SKA2: variants seen among roughly 807,000 people sequenced by gnomAD.
SKA2 encodes spindle and kinetochore-associated protein 2.
SKA2 carries 13 observed loss-of-function variants against 16.9 expected under a neutral mutation model. That is an observed-to-expected ratio of 0.77 (90% CI 0.50 to 1.22). The LOEUF (loss-of-function observed/expected upper bound fraction) is 1.22. Ranked by LOEUF, SKA2 falls within the 50% of genes most tolerant of loss-of-function variation. SKA2 has a pLI of 0.00. For missense variants in SKA2, 107 were observed against 139.7 expected (o/e 0.77, Z 1.18); for synonymous variants, 47 against 48.5 (o/e 0.97, Z 0.13).
intron 1 of SKA2, chr17:59,151,231 G>A (rs548407118): frequency 2.0e-6 from 1 of 501,992 alleles, no homozygotes; most frequent in South Asian, 1.5e-5. Flanking sequence ...TAATAAGTAG[G>A]AAAGGAACAC....
At chr17:59,150,126 A>G (rs1267555130) in intron 1 of SKA2, among the ~76,000 whole-genome samples, 3 of 152,166 alleles carry the variant, frequency 2.0e-5, no homozygotes, top group Non-Finnish European at 2.9e-5. Context: ...TGGGCATGCC[A>G]CACCCCTGTA....
At chr17:59,154,318 G>A (rs1269872944) in intron 1 of SKA2, among the ~76,000 whole-genome samples, 1 of 152,232 alleles carries the variant, frequency 6.6e-6, no homozygotes, top group African/African-American at 2.4e-5. Context: ...AAGAGAACAA[G>A]TGAGGGACGG....
chr17:59,138,206 A>G (rs1277740095), intron 1 of SKA2, among the ~76,000 whole-genome samples: 1 of 152,034 alleles, frequency 6.6e-6, no homozygotes, highest in Non-Finnish European at 1.5e-5. Context: ...ATTAGGTGAA[A>G]AAAGTCTATG....
At chr17:59,150,214 C>G (rs2046566794) in intron 1 of SKA2, among the ~76,000 whole-genome samples, 3 of 152,162 alleles carry the variant, frequency 2.0e-5, no homozygotes, top group Admixed American at 6.6e-5. Flanking sequence ...TTATGATTGC[C>G]TCTGTGAATA....
At chr17:59,134,152 C>T (rs1376430673) in intron 1 of SKA2, among the ~76,000 whole-genome samples, 1 of 152,050 alleles carries the variant, frequency 6.6e-6, no homozygotes, top group Admixed American at 6.6e-5. Context: ...TTATCTTTTC[C>T]TATAAATAAG....
intron 3 of SKA2, 89 bp downstream of exon 3, chr17:59,119,230 T>A (rs1276713715): frequency 7.0e-7 from 1 of 1,432,632 alleles, no homozygotes; most frequent in Non-Finnish European, 9.4e-7. Context: ...CTGCTGAGTT[T>A]CAAAATTTAA....
chr17:59,137,606 TAAAC>T (rs1486752138), intron 1 of SKA2, among the ~76,000 whole-genome samples: 1 of 152,178 alleles, frequency 6.6e-6, no homozygotes, highest in Non-Finnish European at 1.5e-5. Flanking sequence ...ATACTACAAA[TAAAC>T]CCATTTGTCA....
intron 1 of SKA2, among the ~76,000 whole-genome samples, chr17:59,145,326 T>C (rs2046523850): frequency 6.6e-6 from 1 of 152,224 alleles, no homozygotes; most frequent in African/African-American, 2.4e-5. Flanking sequence ...TCAATACTCC[T>C]AGCTCTCCCT....
chr17:59,121,927 A>G (rs1234937311), intron 2 of SKA2, among the ~76,000 whole-genome samples: 1 of 150,928 alleles, frequency 6.6e-6, no homozygotes, highest in East Asian at 2.0e-4. Flanking sequence ...ATCCAAGATC[A>G]CGCCACTGCA....
At chr17:59,133,948 A>G (rs2046427131) in intron 1 of SKA2, among the ~76,000 whole-genome samples, 1 of 152,234 alleles carries the variant, frequency 6.6e-6, no homozygotes. Flanking sequence ...TGTTGGGTAC[A>G]TAATTACAAA....
At chr17:59,121,929 G>A (rs1338179678) in intron 2 of SKA2, among the ~76,000 whole-genome samples, 1 of 149,064 alleles carries the variant, frequency 6.7e-6, no homozygotes, top group African/African-American at 2.5e-5. Context: ...CCAAGATCAC[G>A]CCACTGCACT....
chr17:59,142,952 G>A (rs1035857127), intron 1 of SKA2, among the ~76,000 whole-genome samples: 99 of 145,380 alleles, frequency 6.8e-4, no homozygotes, highest in African/African-American at 2.2e-3. Context: ...AAAAAAAAGA[G>A]AGAGAGACAG....
chr17:59,144,759 C>T (rs1026099441), intron 1 of SKA2, among the ~76,000 whole-genome samples: 2 of 151,926 alleles, frequency 1.3e-5, no homozygotes, highest in African/African-American at 2.4e-5. Context: ...AGTTGCTAGA[C>T]GCTGGGGGGA....
intron 1 of SKA2, among the ~76,000 whole-genome samples, chr17:59,146,857 G>A (rs1253122082): frequency 6.6e-6 from 1 of 152,194 alleles, no homozygotes; most frequent in African/African-American, 2.4e-5. Flanking sequence ...TTTTAGTAGA[G>A]ACGAGGTCTT....
chr17:59,154,519 C>T (rs1356111855), intron 1 of SKA2, among the ~76,000 whole-genome samples: 1 of 152,248 alleles, frequency 6.6e-6, no homozygotes, highest in Non-Finnish European at 1.5e-5. Flanking sequence ...GAGCGGAGCT[C>T]GTGGTTACGA....
At chr17:59,137,874 T>C in intron 1 of SKA2, 2 of 489,788 alleles carry the variant, frequency 4.1e-6, no homozygotes, top group Non-Finnish European at 8.2e-6. Context: ...ATAAACAGAA[T>C]TTTTTTTAGT....
At chr17:59,132,418 C>T (rs1179262293) in intron 1 of SKA2, among the ~76,000 whole-genome samples, 1 of 152,136 alleles carries the variant, frequency 6.6e-6, no homozygotes, top group South Asian at 2.1e-4. Context: ...AATCCCAGCA[C>T]TTTGGGAGGC....
intron 1 of SKA2, among the ~76,000 whole-genome samples, chr17:59,141,288 T>C (rs1054055742): frequency 6.6e-6 from 1 of 151,864 alleles, no homozygotes; most frequent in Non-Finnish European, 1.5e-5. Flanking sequence ...TCCCAGCTAC[T>C]AGGGAGGCTG....
At chr17:59,134,994 C>G (rs2046434451) in intron 1 of SKA2, among the ~76,000 whole-genome samples, 1 of 152,106 alleles carries the variant, frequency 6.6e-6, no homozygotes, top group Non-Finnish European at 1.5e-5. Flanking sequence ...GCCATTACGC[C>G]TGACTAATTT....
Sources: allele counts gnomAD v4.1 joint callset (sites outside exome capture counted in the v4.1 genomes callset), GRCh38; gene constraint gnomAD v4.1.1; transcripts MANE v1.5; gene names NCBI Gene and HGNC (gene_info 2026-07-23, HGNC 2026-07-21).